Variants in DOCK3 observed in about 807,000 individuals in gnomAD.
DOCK3 encodes the protein dedicator of cytokinesis 3.
DOCK3 carries 60 observed loss-of-function variants against 265.6 expected under a neutral mutation model. That is an observed-to-expected ratio of 0.23 (90% CI 0.18 to 0.28). DOCK3 has a LOEUF of 0.28. Ranked by LOEUF, DOCK3 falls within the 10% of genes least tolerant of loss-of-function variation. The pLI, the probability that DOCK3 is intolerant of heterozygous loss-of-function variation, is 1.00. For synonymous variants in DOCK3, 881 were observed against 938.0 expected (o/e 0.94, Z 1.11); for missense variants, 1,981 against 2,594.3 (o/e 0.76, Z 5.14).
At chr3:50,773,229 T>G (rs2041384569) in intron 1 of DOCK3, among the ~76,000 whole-genome samples, 1 of 151,924 alleles carries the variant, frequency 6.6e-6, no homozygotes, top group Non-Finnish European at 1.5e-5. Flanking sequence ...AACTGGATAT[T>G]CACATGCAGA....
At chr3:50,871,254 T>G (rs1368259182) in intron 3 of DOCK3, among the ~76,000 whole-genome samples, 1 of 152,080 alleles carries the variant, frequency 6.6e-6, no homozygotes, top group Non-Finnish European at 1.5e-5. Flanking sequence ...TTCTCCTTCA[T>G]GTTTTAAGTG....
intron 7 of DOCK3, among the ~76,000 whole-genome samples, chr3:51,087,790 A>G (rs2082483844): frequency 6.6e-6 from 1 of 152,222 alleles, no homozygotes; most frequent in South Asian, 2.1e-4. Context: ...GAACTCTTAT[A>G]CACTGTTGGT....
intron 10 of DOCK3, among the ~76,000 whole-genome samples, chr3:51,154,676 G>T (rs2085757926): frequency 6.6e-6 from 1 of 152,134 alleles, no homozygotes; most frequent in Non-Finnish European, 1.5e-5. Context: ...TGGATTTGTG[G>T]GAACAGAGCT....
At chr3:51,069,999 T>A (rs2081785370) in intron 6 of DOCK3, among the ~76,000 whole-genome samples, 1 of 152,234 alleles carries the variant, frequency 6.6e-6, no homozygotes, top group South Asian at 2.1e-4. Context: ...TGTCTTGCCC[T>A]GTTCACAGTC....
intron 33 of DOCK3, 98 bp downstream of exon 33, chr3:51,330,321 T>C: frequency 1.6e-6 from 2 of 1,243,332 alleles, no homozygotes; most frequent in Middle Eastern, 2.6e-4. Context: ...GCTTTAGAGG[T>C]TGGTCATCAA....
intron 4 of DOCK3, among the ~76,000 whole-genome samples, chr3:50,906,098 T>C (rs1036815159): frequency 1.3e-5 from 2 of 152,138 alleles, no homozygotes; most frequent in Non-Finnish European, 2.9e-5. Flanking sequence ...CAGCCTTGCA[T>C]CCCAGAGATA....
intron 12 of DOCK3, among the ~76,000 whole-genome samples, chr3:51,192,260 T>C (rs188496343): frequency 6.6e-6 from 1 of 151,574 alleles, no homozygotes; most frequent in East Asian, 2.0e-4. Flanking sequence ...ATTTTTTTGG[T>C]ATATGGTGAG....
chr3:51,274,373 A>G (rs1307493462), intron 24 of DOCK3, among the ~76,000 whole-genome samples: 2 of 152,216 alleles, frequency 1.3e-5, no homozygotes, highest in African/African-American at 4.8e-5. Context: ...GACAATCTAT[A>G]ATCCATTTCA....
Position 51,229,584 on chromosome 3 carries a change from A to G in DOCK3, c.1892A>G (p.His631Arg). ...RIMDVLGRLR[H>R]VSGEEIVKFL... ...ATGGATGTACTAGGGCGGCTGCGGC[A>G]TGTCAGTGGGGAGGAAATTGTTAAG... The change falls in exon 19 of 53, where the codon CAT becomes CGT. Residue 631 changes from histidine (H) to arginine (R), a missense_variant. Coordinates refer to ENST00000266037, the MANE Select transcript of DOCK3 (RefSeq NM_004947.5). 1.9e-6 allele frequency: 3 copies of G among 1,606,104 alleles called. No homozygotes were observed. Among genetic ancestry groups the G allele is most frequent in the Non-Finnish European group, 2.6e-6 (3 of 1,176,070 alleles).
chr3:51,253,842 G>A (rs752376344), intron 22 of DOCK3, among the ~76,000 whole-genome samples: 4 of 151,922 alleles, frequency 2.6e-5, no homozygotes, highest in Admixed American at 6.6e-5. Context: ...TTTTTGAAGG[G>A]TTTTTTGTGT....
chr3:51,379,573 TAAG>T, intron 51 of DOCK3: 1 of 985,426 alleles, frequency 1.0e-6, no homozygotes, highest in Non-Finnish European at 1.2e-6. Flanking sequence ...TGCTGCATGG[TAAG>T]AAGACCTCCA....
chr3:51,237,223 C>T lies in DOCK3; in HGVS notation c.2002-267C>T, dbSNP rs556496331. Among the ~76,000 whole-genome samples the T allele has an allele frequency of 3.9e-5, 6 of 152,244 alleles. No individual in the cohort carries two copies. The East Asian group carries it at 5.8e-4, about 15-fold the overall frequency. On this transcript the variant is annotated intron_variant, in intron 20 of 52. Transcript: ENST00000266037. Reference sequence around the variant, plus strand: ...TTTCCCTGATCTGTATTGTACCACCCAGCATTATTGTGAAGGGAGAGGCTC... The same window carrying T: ...TTTCCCTGATCTGTATTGTACCACCTAGCATTATTGTGAAGGGAGAGGCTC...
At chr3:51,306,147 T>C (rs2082680431) in intron 27 of DOCK3, among the ~76,000 whole-genome samples, 1 of 151,956 alleles carries the variant, frequency 6.6e-6, no homozygotes, top group Non-Finnish European at 1.5e-5. Flanking sequence ...ATTACAGACA[T>C]GAGCCACTGT....
At chr3:51,254,180 A>G (rs550629010) in intron 22 of DOCK3, among the ~76,000 whole-genome samples, 1 of 152,174 alleles carries the variant, frequency 6.6e-6, no homozygotes, top group Non-Finnish European at 1.5e-5. Context: ...AGCAGTTTTG[A>G]GTGACTTTCT....
At chr3:50,945,458 G>C (rs1341007175) in intron 5 of DOCK3, among the ~76,000 whole-genome samples, 1 of 152,090 alleles carries the variant, frequency 6.6e-6, no homozygotes, top group Non-Finnish European at 1.5e-5. Context: ...CTTTGTAACA[G>C]TTCTATTTTG....
At chr3:50,933,365 G>A (rs2051176237) in intron 4 of DOCK3, among the ~76,000 whole-genome samples, 1 of 152,150 alleles carries the variant, frequency 6.6e-6, no homozygotes, top group Non-Finnish European at 1.5e-5. Context: ...ACAGGGACTG[G>A]CATTATAGTG....
intron 25 of DOCK3, 84 bp from the exon 26 acceptor site, chr3:51,277,524 G>T (rs1486889490): frequency 2.1e-6 from 3 of 1,459,974 alleles, no homozygotes; most frequent in Non-Finnish European, 2.7e-6. Flanking sequence ...GACTACTGCT[G>T]ATGTGGCTGA....
chr3:51,223,343 C>T (rs945017680), intron 14 of DOCK3, among the ~76,000 whole-genome samples: 2 of 152,090 alleles, frequency 1.3e-5, no homozygotes, highest in Non-Finnish European at 2.9e-5. Context: ...TATAGAGCCA[C>T]AGAAACTAAA....
At chr3:51,154,242 T>A (rs964494026) in intron 10 of DOCK3, among the ~76,000 whole-genome samples, 3 of 152,216 alleles carry the variant, frequency 2.0e-5, no homozygotes, top group Non-Finnish European at 4.4e-5. Flanking sequence ...GCTCCAGATG[T>A]ATGGAAAGAT....
Sources: allele counts gnomAD v4.1 joint callset (sites outside exome capture counted in the v4.1 genomes callset), GRCh38; gene constraint gnomAD v4.1.1; transcripts MANE v1.5; gene names NCBI Gene and HGNC (gene_info 2026-07-23, HGNC 2026-07-21).